Variants in HS6ST2 observed in about 807,000 individuals in gnomAD.
HS6ST2 encodes heparan-sulfate 6-O-sulfotransferase 2.
A neutral mutation model predicts 33.0 loss-of-function variants in HS6ST2; 17 were observed. The observed-to-expected ratio is 0.52, with a 90% CI of 0.35 to 0.77. The LOEUF (loss-of-function observed/expected upper bound fraction) is 0.77. HS6ST2 is among the 30% of genes least tolerant of loss of function. The probability of loss-of-function intolerance (pLI) is 0.01; values close to 1 mark genes in which losing one functional copy is unlikely to be tolerated. For synonymous variants in HS6ST2, 248 were observed against 237.1 expected, an observed-to-expected ratio of 1.05 and a Z score of -0.42; for missense variants, 519 against 551.7, an observed-to-expected ratio of 0.94 and a Z score of 0.59.
Position 132,738,570 on chromosome X carries a change from T to C in HS6ST2, c.948-30076A>G, listed in dbSNP as rs2064532151. On this transcript the variant is annotated intron_variant, in intron 2 of 4. Coordinates refer to ENST00000370833, the MANE Select transcript of HS6ST2 (RefSeq NM_001394073.1). ...TAACTGCTATGACATTGAAGCTGTG[T>C]TGCAGAAACGATATTGTAGAGCAAA... Among the ~76,000 whole-genome samples the C allele has an allele frequency of 2.7e-5, 3 of 112,871 alleles. No homozygotes were observed. The South Asian group carries it at 1.1e-3, about 42-fold the overall frequency.
At chrX:132,767,564 T>C (rs938863115) in intron 2 of HS6ST2, among the ~76,000 whole-genome samples, 3 of 111,341 alleles carry the variant, frequency 2.7e-5, no homozygotes, top group African/African-American at 6.5e-5. Context: ...ATTGTTTACA[T>C]TGAAAAAAAA....
intron 2 of HS6ST2, among the ~76,000 whole-genome samples, chrX:132,865,248 G>A (rs1355638951): frequency 9.2e-6 from 1 of 108,332 alleles, no homozygotes; most frequent in African/African-American, 3.4e-5. Context: ...TGTTTTTGCG[G>A]TAGTTTACTG....
Position 132,628,865 on chromosome X carries a change from G to A in HS6ST2, c.1296C>T (p.Arg432=). The change falls in exon 5 of 5, where the codon CGC becomes CGT. Residue 432 remains arginine (R), a synonymous_variant. Transcript: ENST00000370833. ...PYNLANNRQV[R]MLSDLTLVGC... ...CTACCAGGGTCAGGTCGGAGAGCAT[G>A]CGCACCTGGCGGTTGTTGGCTAGAT... 1 of 1,211,696 alleles carries A rather than the reference G, an allele frequency of 8.3e-7. No homozygotes were observed. The highest frequency in any genetic ancestry group is 1.8e-5 in the South Asian group (1 of 56,968).
At chrX:132,694,100 T>C (rs1363514045) in intron 3 of HS6ST2, among the ~76,000 whole-genome samples, 1 of 111,696 alleles carries the variant, frequency 9.0e-6, no homozygotes, top group Admixed American at 9.5e-5. Flanking sequence ...TGCCAGGCAC[T>C]GTGGAGGGTA....
intron 4 of HS6ST2, among the ~76,000 whole-genome samples, chrX:132,650,905 C>T (rs1160828508): frequency 7.2e-5 from 8 of 111,139 alleles, no homozygotes; most frequent in African/African-American, 2.6e-4. Flanking sequence ...GCTATGACTA[C>T]AGGCACATGT....
chrX:132,853,414 C>T (rs2148409895), intron 2 of HS6ST2, among the ~76,000 whole-genome samples: 1 of 109,016 alleles, frequency 9.2e-6, no homozygotes, highest in South Asian at 4.1e-4. Context: ...CTGCCTCAGC[C>T]TCCCAAAGTG....
chrX:132,653,205 G>A (rs141099300), intron 4 of HS6ST2, among the ~76,000 whole-genome samples: 1 of 111,474 alleles, frequency 9.0e-6, no homozygotes, highest in Non-Finnish European at 1.9e-5. Flanking sequence ...CCACTTTTCT[G>A]CTTTCTGCAA....
chrX:132,761,518 C>A (rs1387523295), intron 2 of HS6ST2, among the ~76,000 whole-genome samples: 1 of 112,091 alleles, frequency 8.9e-6, no homozygotes, highest in Non-Finnish European at 1.9e-5. Context: ...GGATCCCAAG[C>A]CCTGCCATTT....
intron 2 of HS6ST2, among the ~76,000 whole-genome samples, chrX:132,870,548 T>G (rs2066047641): frequency 9.0e-6 from 1 of 111,693 alleles, no homozygotes; most frequent in Non-Finnish European, 1.9e-5. Context: ...CAAAACAGCA[T>G]AGTACTGGTA....
At chrX:132,747,779 C>T (rs1477216456) in intron 2 of HS6ST2, among the ~76,000 whole-genome samples, 1 of 110,381 alleles carries the variant, frequency 9.1e-6, no homozygotes, top group Non-Finnish European at 1.9e-5. Flanking sequence ...AGAGAGGAGT[C>T]AGCTGTCTCA....
chrX:132,807,758 A>G (rs2065299753), intron 2 of HS6ST2, among the ~76,000 whole-genome samples: 2 of 112,099 alleles, frequency 1.8e-5, no homozygotes, highest in Admixed American at 1.9e-4. Flanking sequence ...CTGCGAAAGG[A>G]CGCTAAGGAA....
intron 4 of HS6ST2, among the ~76,000 whole-genome samples, chrX:132,642,790 T>C (rs747624196): frequency 3.6e-5 from 4 of 112,412 alleles, no homozygotes; most frequent in South Asian, 3.7e-4. Context: ...AAGATCCTGA[T>C]TGAGCAGAAG....
chrX:132,886,592 A>T (rs2066255024), intron 2 of HS6ST2, among the ~76,000 whole-genome samples: 1 of 111,141 alleles, frequency 9.0e-6, no homozygotes, highest in Non-Finnish European at 1.9e-5. Context: ...AAAGAATCCC[A>T]AGTAGGATTA....
rs1333590422 is a variant in HS6ST2, at chrX:132,938,917, C to T, written c.947+17891G>A. Among the ~76,000 whole-genome samples, 4 of 112,190 alleles carry T rather than the reference C, an allele frequency of 3.6e-5. No individual in the cohort carries two copies. The East Asian group carries it at 1.1e-3, about 31-fold the overall frequency. On this transcript the variant is annotated intron_variant, in intron 2 of 4. Transcript: ENST00000370833. ...TAACATAAAAAAGAAGTTTATCTGG[C>T]TTACAGTTCTGCAGGCTGTACAGCT...
chrX:132,754,211 A>C (rs1157825185), intron 2 of HS6ST2, among the ~76,000 whole-genome samples: 1 of 110,261 alleles, frequency 9.1e-6, no homozygotes, highest in Non-Finnish European at 1.9e-5. Context: ...AATTTTTCTG[A>C]TGTTTTTCTC....
chrX:132,806,803 G>A, intron 2 of HS6ST2, among the ~76,000 whole-genome samples: 1 of 109,796 alleles, frequency 9.1e-6, no homozygotes, highest in South Asian at 3.9e-4. Flanking sequence ...TGGTTTGCGG[G>A]CCCTGTCCTA....
chrX:132,802,185 C>T (rs978049402), intron 2 of HS6ST2, among the ~76,000 whole-genome samples: 4 of 112,148 alleles, frequency 3.6e-5, no homozygotes, highest in Non-Finnish European at 5.6e-5. Flanking sequence ...CAGAAAACTA[C>T]CATGATGTTG....
intron 3 of HS6ST2, among the ~76,000 whole-genome samples, chrX:132,689,092 C>T (rs1262104733): frequency 8.9e-6 from 1 of 112,054 alleles, no homozygotes; most frequent in Non-Finnish European, 1.9e-5. Flanking sequence ...CCCATACCTC[C>T]TGGTCATCTG....
At position 132,958,488 on chromosome X, in the gene HS6ST2, C is replaced by A. The variant is rs2067116524; in HGVS notation, c.115G>T (p.Ala39Ser). 2 of 1,196,157 alleles carry A rather than the reference C, an allele frequency of 1.7e-6. No individual in the cohort carries two copies. The highest frequency in any genetic ancestry group is 2.2e-6 in the Non-Finnish European group (2 of 889,108). Residue 39 changes from alanine (A) to serine (S), a missense_variant, in exon 1 of 5, where the codon GCA (alanine) becomes TCA (serine). Transcript: ENST00000370833. ...GCGACCGACCCGGGCCGGCTCGCTGCCAATTCGGCCTCTACTCTGGAATGC... is the reference window on the plus strand; with the variant it reads ...GCGACCGACCCGGGCCGGCTCGCTGACAATTCGGCCTCTACTCTGGAATGC... ...RRHSRVEAEL[A>S]ASRPGSVAAS... is the part of the protein sequence containing the mutation.
Sources: allele counts gnomAD v4.1 joint callset (sites outside exome capture counted in the v4.1 genomes callset), GRCh38; gene constraint gnomAD v4.1.1; transcripts MANE v1.5; gene names NCBI Gene and HGNC (gene_info 2026-07-23, HGNC 2026-07-21).